DPP3: variants seen among roughly 807,000 people sequenced by gnomAD.
The protein encoded by DPP3 is DPP III.
In DPP3, 64 loss-of-function variants were observed where a neutral mutation model predicts 89.8. The observed-to-expected ratio is 0.71, with a 90% CI of 0.58 to 0.88. The LOEUF is 0.88. DPP3 is among the 40% of genes least tolerant of loss of function. The pLI, the probability that DPP3 is intolerant of heterozygous loss-of-function variation, is 0.00. For missense variants in DPP3, 835 were observed against 972.5 expected, an observed-to-expected ratio of 0.86 and a Z score of 1.88; for synonymous variants, 377 against 404.3, an observed-to-expected ratio of 0.93 and a Z score of 0.81.
chr11:66,504,770 T>C lies in DPP3; in HGVS notation c.2037T>C (p.Leu679=), dbSNP rs1024235954. Residue 679 remains leucine, a synonymous_variant, in exon 17 of 18, where the codon CTT becomes CTC. Coordinates refer to ENST00000531863, the MANE Select transcript of DPP3 (RefSeq NM_130443.4). ...TCATTGTTCAGCCCAACACTCGCCTTGAAGGTAATGAGGTAATGAGGGAGC... is the reference window on the plus strand; with the variant it reads ...TCATTGTTCAGCCCAACACTCGCCTCGAAGGTAATGAGGTAATGAGGGAGC... ...RKLIVQPNTR[L]EGSDVQLLEY... is the part of the protein sequence containing the mutation. The C allele has an allele frequency of 2.5e-6, 4 of 1,609,466 alleles. No individual in the cohort carries two copies. The African/African-American group carries it at 5.4e-5, about 22-fold the overall frequency.
Position 66,485,414 on chromosome 11 carries a change from C to T in DPP3, c.360+152C>T. The T allele has an allele frequency of 4.1e-6, 3 of 734,424 alleles. No individual in the cohort carries two copies. In the South Asian group the frequency reaches 5.1e-5, roughly 13 times the overall value. 45.5% of individuals were successfully genotyped at this position (734,424 alleles called of 1,614,324 possible). On this transcript the variant is annotated intron_variant, in intron 3 of 17. Transcript: ENST00000531863. The stretch of plus-strand genomic sequence containing the variant: ...CACCCTGCATGACTGTGGGTGTCAC[C>T]AGCCTCACTGGGTGCTGCGGCCTCT...
At chr11:66,484,640 T>G (rs1018287621) in intron 2 of DPP3, among the ~76,000 whole-genome samples, 8 of 151,892 alleles carry the variant, frequency 5.3e-5, no homozygotes, top group African/African-American at 1.9e-4. Flanking sequence ...TGCCCACCCC[T>G]GGAGCTGGGG....
intron 17 of DPP3, among the ~76,000 whole-genome samples, chr11:66,506,837 G>T (rs1230210631): frequency 6.6e-6 from 1 of 151,744 alleles, no homozygotes; most frequent in Non-Finnish European, 1.5e-5. Context: ...TGTGAGAGAG[G>T]TTGTCTCTGA....
chr11:66,495,876 G>C, intron 15 of DPP3, 126 bp downstream of exon 15: 2 of 1,442,344 alleles, frequency 1.4e-6, no homozygotes, highest in South Asian at 2.7e-5. Flanking sequence ...AGACTCCACT[G>C]TTTGGGAGGC....
chr11:66,500,794 G>A (rs530640195), intron 16 of DPP3, among the ~76,000 whole-genome samples: 5 of 152,168 alleles, frequency 3.3e-5, no homozygotes, highest in East Asian at 3.9e-4. Flanking sequence ...ACTGGCTCAC[G>A]CCTGTAATCC....
At chr11:66,488,248 C>A (rs879078933) in intron 6 of DPP3, among the ~76,000 whole-genome samples, 5 of 152,216 alleles carry the variant, frequency 3.3e-5, no homozygotes, top group Non-Finnish European at 1.5e-5. Flanking sequence ...CTCAAGCCTA[C>A]CCTGGAGTCA....
At chr11:66,481,209 C>T (rs1004467021) in intron 1 of DPP3, among the ~76,000 whole-genome samples, 1 of 152,160 alleles carries the variant, frequency 6.6e-6, no homozygotes, top group Non-Finnish European at 1.5e-5. Context: ...TGAACAAAGG[C>T]CAGGCGCGGT....
chr11:66,498,935 C>T (rs1855611976), intron 16 of DPP3, among the ~76,000 whole-genome samples: 1 of 152,168 alleles, frequency 6.6e-6, no homozygotes, highest in South Asian at 2.1e-4. Context: ...ATCACTTGAG[C>T]ATGGGAGGTA....
intron 17 of DPP3, among the ~76,000 whole-genome samples, chr11:66,505,205 C>T (rs549988482): frequency 6.6e-6 from 1 of 152,322 alleles, no homozygotes; most frequent in Admixed American, 6.5e-5. Flanking sequence ...TGGTGATCAA[C>T]AGCTGCATCA....
intron 17 of DPP3, among the ~76,000 whole-genome samples, chr11:66,506,785 T>C (rs1356172613): frequency 6.6e-6 from 1 of 152,148 alleles, no homozygotes; most frequent in Non-Finnish European, 1.5e-5. Flanking sequence ...TCTTTGCCTG[T>C]CTGGTTCTTT....
chr11:66,498,335 T>C (rs968698876), intron 16 of DPP3, among the ~76,000 whole-genome samples: 1 of 152,140 alleles, frequency 6.6e-6, no homozygotes, highest in Non-Finnish European at 1.5e-5. Context: ...CCTCGTGATC[T>C]GCCTGCCTCG....
intron 17 of DPP3, among the ~76,000 whole-genome samples, chr11:66,506,546 T>C (rs1320848375): frequency 2.0e-5 from 3 of 152,164 alleles, no homozygotes; most frequent in Non-Finnish European, 4.4e-5. Context: ...TGAGCCACCA[T>C]GCCCAGCCGG....
chr11:66,488,672 C>T (rs1855300161), intron 6 of DPP3, among the ~76,000 whole-genome samples: 1 of 151,958 alleles, frequency 6.6e-6, no homozygotes. Flanking sequence ...GGGGTCCATT[C>T]CCAGGAGAGA....
intron 16 of DPP3, among the ~76,000 whole-genome samples, chr11:66,504,403 A>G (rs1855751312): frequency 6.6e-6 from 1 of 152,070 alleles, no homozygotes; most frequent in South Asian, 2.1e-4. Flanking sequence ...CCTCTTTTAT[A>G]AGGGCCTTAA....
intron 16 of DPP3, among the ~76,000 whole-genome samples, chr11:66,499,776 A>G (rs1374021349): frequency 2.0e-5 from 3 of 148,000 alleles, no homozygotes; most frequent in East Asian, 2.0e-4. Context: ...CCTCAAAAAG[A>G]AAAAAAAAAA....
At chr11:66,486,713 G>T in intron 4 of DPP3, 36 bp downstream of exon 4, 1 of 1,460,060 alleles carries the variant, frequency 6.8e-7, no homozygotes, top group Non-Finnish European at 9.1e-7. Flanking sequence ...GACAGGGAGT[G>T]GAGGGAATCC....
chr11:66,507,190 G>A (rs1162808966), intron 17 of DPP3, among the ~76,000 whole-genome samples: 3 of 152,084 alleles, frequency 2.0e-5, no homozygotes, highest in Non-Finnish European at 4.4e-5. Context: ...CAAGGGGGCC[G>A]GGCGCGGTGA....
chr11:66,484,042 A>G (rs1189126599), intron 2 of DPP3, among the ~76,000 whole-genome samples: 1 of 152,002 alleles, frequency 6.6e-6, no homozygotes, highest in African/African-American at 2.4e-5. Flanking sequence ...CAGTGGCACA[A>G]TCTCAGCTCA....
At chr11:66,490,917 C>T (rs1269046307) in intron 6 of DPP3, among the ~76,000 whole-genome samples, 1 of 151,864 alleles carries the variant, frequency 6.6e-6, no homozygotes, top group Non-Finnish European at 1.5e-5. Context: ...TGACAGGCAC[C>T]TACCACCATG....
Sources: gnomAD v4.1 joint callset for allele counts (sites outside exome capture counted in the v4.1 genomes callset) on GRCh38, gnomAD v4.1.1 for gene constraint, MANE v1.5 for transcripts, NCBI Gene and HGNC (gene_info 2026-07-23, HGNC 2026-07-21) for gene names.